CHCHD6: variants seen among roughly 807,000 people sequenced by gnomAD.
CHCHD6 encodes MICOS complex subunit MIC25.
Under a neutral mutation model 32.3 loss-of-function variants are expected in CHCHD6, and 28 were observed. That is an observed-to-expected ratio of 0.87 (90% CI 0.64 to 1.19). The LOEUF (loss-of-function observed/expected upper bound fraction) is 1.19. Among genes scored for constraint, CHCHD6 ranks in the 50% most tolerant of loss-of-function variants. CHCHD6 has a pLI of 0.00. For synonymous variants in CHCHD6, 122 were observed against 117.5 expected (o/e 1.04, Z -0.25); for missense variants, 333 against 307.0 (o/e 1.08, Z -0.63).
At chr3:126,864,970 T>C (rs563017629) in intron 5 of CHCHD6, among the ~76,000 whole-genome samples, 1 of 124,558 alleles carries the variant, frequency 8.0e-6, no homozygotes, top group South Asian at 2.4e-4. Flanking sequence ...CATCACCACC[T>C]CCATCATCAC....
At chr3:126,872,823 C>G (rs1486512460) in intron 5 of CHCHD6, among the ~76,000 whole-genome samples, 6 of 152,216 alleles carry the variant, frequency 3.9e-5, no homozygotes, top group African/African-American at 1.4e-4. Context: ...CCCTGCTGCT[C>G]CTTCCCTGGG....
intron 4 of CHCHD6, among the ~76,000 whole-genome samples, chr3:126,772,524 T>C (rs1937562466): frequency 6.6e-6 from 1 of 152,248 alleles, no homozygotes; most frequent in South Asian, 2.1e-4. Context: ...TTTGTTGGTT[T>C]AAAGTCTGTT....
intron 5 of CHCHD6, among the ~76,000 whole-genome samples, chr3:126,855,530 C>T (rs528498467): frequency 2.0e-5 from 3 of 152,318 alleles, no homozygotes; most frequent in South Asian, 4.1e-4. Context: ...AGCATGTGTG[C>T]ATGCACACAT....
At chr3:126,707,023 T>C (rs1934518578) in intron 1 of CHCHD6, among the ~76,000 whole-genome samples, 2 of 152,118 alleles carry the variant, frequency 1.3e-5, no homozygotes, top group South Asian at 4.1e-4. Flanking sequence ...TTTCAGCACT[T>C]TGGGAGGCCG....
chr3:126,768,489 C>G (rs1188155865), intron 4 of CHCHD6, among the ~76,000 whole-genome samples: 1 of 152,188 alleles, frequency 6.6e-6, no homozygotes, highest in Non-Finnish European at 1.5e-5. Context: ...TACCCAGTCT[C>G]AGGTATTTCT....
intron 6 of CHCHD6, among the ~76,000 whole-genome samples, chr3:126,916,795 G>A (rs1300991889): frequency 6.6e-6 from 1 of 152,268 alleles, no homozygotes; most frequent in East Asian, 1.9e-4. Flanking sequence ...AGAGGCTGCT[G>A]AGTGACAGCT....
At chr3:126,801,769 T>TGAC (rs1939084152) in intron 4 of CHCHD6, among the ~76,000 whole-genome samples, 2 of 151,966 alleles carry the variant, frequency 1.3e-5, no homozygotes, top group African/African-American at 2.4e-5. Flanking sequence ...CTCAAGTGGG[T>TGAC]CCCTGACCCC....
intron 4 of CHCHD6, among the ~76,000 whole-genome samples, chr3:126,836,803 G>T (rs1335573405): frequency 6.6e-6 from 1 of 152,224 alleles, no homozygotes; most frequent in Non-Finnish European, 1.5e-5. Context: ...GGCTGGCTCT[G>T]CTCTGGAGGA....
intron 4 of CHCHD6, among the ~76,000 whole-genome samples, chr3:126,824,822 G>T (rs150561073): frequency 0.015 from 2,225 of 151,898 alleles, 39 homozygotes; most frequent in Non-Finnish European, 0.017. Context: ...CAGGTGATCC[G>T]CCCACCTCAG....
At chr3:126,898,035 G>A (rs567129451) in intron 5 of CHCHD6, among the ~76,000 whole-genome samples, 2 of 152,254 alleles carry the variant, frequency 1.3e-5, no homozygotes, top group South Asian at 2.1e-4. Flanking sequence ...AACCTGTCTC[G>A]CAAATACTGT....
At chr3:126,812,588 C>A (rs1279126120) in intron 4 of CHCHD6, among the ~76,000 whole-genome samples, 1 of 151,340 alleles carries the variant, frequency 6.6e-6, no homozygotes, top group Non-Finnish European at 1.5e-5. Flanking sequence ...CCATACCCAG[C>A]TAATTTTTTT....
At chr3:126,771,826 G>A (rs1937548270) in intron 4 of CHCHD6, among the ~76,000 whole-genome samples, 2 of 152,206 alleles carry the variant, frequency 1.3e-5, no homozygotes, top group Admixed American at 1.3e-4. Context: ...AGAGATTCTG[G>A]TATGTTGTAT....
intron 5 of CHCHD6, among the ~76,000 whole-genome samples, chr3:126,887,345 T>G (rs2077692434): frequency 6.6e-6 from 1 of 152,226 alleles, no homozygotes; most frequent in Non-Finnish European, 1.5e-5. Context: ...TAATCAGTGC[T>G]TTAAAAGTGC....
chr3:126,836,658 C>G (rs1317079837), intron 4 of CHCHD6, among the ~76,000 whole-genome samples: 6 of 152,116 alleles, frequency 3.9e-5, no homozygotes, highest in African/African-American at 1.4e-4. Context: ...GGACACTGAC[C>G]GGGAGAGGCA....
At chr3:126,806,201 G>A (rs1483498970) in intron 4 of CHCHD6, among the ~76,000 whole-genome samples, 27 of 152,156 alleles carry the variant, frequency 1.8e-4, no homozygotes, top group Admixed American at 3.9e-4. Flanking sequence ...ATTGACAAAT[G>A]GGATCTAATT....
At chr3:126,900,291 G>A (rs1284158134) in intron 5 of CHCHD6, among the ~76,000 whole-genome samples, 2 of 152,154 alleles carry the variant, frequency 1.3e-5, no homozygotes, top group East Asian at 1.9e-4. Flanking sequence ...TGTATCGCCT[G>A]TCAAAGGGGG....
chr3:126,865,585 T>C, intron 5 of CHCHD6: 2 of 985,288 alleles, frequency 2.0e-6, no homozygotes, highest in Non-Finnish European at 2.4e-6. Context: ...TCCCTCTTCC[T>C]CTACCACCTC....
chr3:126,953,064 CT>C, intron 6 of CHCHD6: 2 of 985,568 alleles, frequency 2.0e-6, no homozygotes, highest in Non-Finnish European at 2.4e-6. Flanking sequence ...ACCGGGCCGT[CT>C]TGGGCATCAC....
At chr3:126,723,059 C>G (rs1045915661) in intron 1 of CHCHD6, among the ~76,000 whole-genome samples, 1 of 152,092 alleles carries the variant, frequency 6.6e-6, no homozygotes, top group Non-Finnish European at 1.5e-5. Flanking sequence ...TTGAAGAGAC[C>G]GCTCTTTCCC....
Sources: allele counts gnomAD v4.1 joint callset (sites outside exome capture counted in the v4.1 genomes callset), GRCh38; gene constraint gnomAD v4.1.1; transcripts MANE v1.5; gene names NCBI Gene and HGNC (gene_info 2026-07-23, HGNC 2026-07-21).